MYPN: variants seen among roughly 807,000 people sequenced by gnomAD.
MYPN encodes the protein myopalladin.
MYPN carries 63 observed loss-of-function variants against 129.4 expected under a neutral mutation model. That is an observed-to-expected ratio of 0.49 (90% CI 0.40 to 0.60). MYPN has a LOEUF of 0.60. MYPN is among the 20% of genes least tolerant of loss of function. The pLI, the probability that MYPN is intolerant of heterozygous loss-of-function variation, is 0.00. For missense variants in MYPN, 1,596 were observed against 1,635.4 expected (o/e 0.98, Z 0.42); for synonymous variants, 629 against 600.9 (o/e 1.05, Z -0.68).
At chr10:68,183,302 T>C (rs1032766761) in intron 12 of MYPN, among the ~76,000 whole-genome samples, 9 of 151,648 alleles carry the variant, frequency 5.9e-5, no homozygotes, top group Non-Finnish European at 1.2e-4. Context: ...CTACAAAAAA[T>C]ACAAAAATTA....
In MYPN at chr10:68,122,266, GA is replaced by G. The variant is rs1254206163; in HGVS notation, c.829del (p.Ser277AlafsTer15). 6.2e-7 allele frequency: 1 copy of G among 1,613,874 alleles called. No individual in the cohort carries two copies. Among genetic ancestry groups the G allele is most frequent in the Non-Finnish European group, 8.5e-7 (1 of 1,179,976 alleles). On this transcript the variant is annotated frameshift_variant, in exon 2 of 20. Coordinates refer to ENST00000358913, the MANE Select transcript of MYPN (RefSeq NM_032578.4). LOFTEE classifies it high-confidence loss of function. ...CTCCCCGGTTCACTCAAAAGTTACG[GA>G]GCAGAGAAGTTCCAGAAGGAACTCG... Reference protein sequence around the residue: ...QPPRFTQKLRSREVPEGTRVQ... With the variant: ...QPPRFTQKLRXREVPEGTRVQ...
At chr10:68,136,747 G>A in intron 2 of MYPN, 1 of 1,532,906 alleles carries the variant, frequency 6.5e-7, no homozygotes, top group East Asian at 2.4e-5. Flanking sequence ...GACGAGAAAT[G>A]TTCTCTAAAT....
chr10:68,126,110 A>G (rs1219300174), intron 2 of MYPN, among the ~76,000 whole-genome samples: 1 of 152,190 alleles, frequency 6.6e-6, no homozygotes, highest in Non-Finnish European at 1.5e-5. Flanking sequence ...AAAGCTCCCG[A>G]GGCAAGTGTT....
chr10:68,126,336 T>C (rs2042325804), intron 2 of MYPN, among the ~76,000 whole-genome samples: 1 of 152,208 alleles, frequency 6.6e-6, no homozygotes, highest in African/African-American at 2.4e-5. Context: ...TAGAGTCAGA[T>C]GACTTCGAAG....
chr10:68,193,812 CACACACACACACACACACACACACACAT>C (rs2043556848), intron 13 of MYPN, among the ~76,000 whole-genome samples: 1 of 34,742 alleles, frequency 2.9e-5, no homozygotes. Context: ...CACACACACA[CACACACACACACACACACACACACACAT>C]AGATATTTAC....
chr10:68,088,784 C>T (rs947760061), intron 1 of MYPN, among the ~76,000 whole-genome samples: 2 of 152,128 alleles, frequency 1.3e-5, no homozygotes, highest in African/African-American at 2.4e-5. Flanking sequence ...ATACAATTCA[C>T]CTGCTTAAAG....
chr10:68,096,623 C>T (rs377293421), intron 1 of MYPN, among the ~76,000 whole-genome samples: 307 of 152,318 alleles, frequency 2.0e-3, no homozygotes, highest in African/African-American at 7.0e-3. Context: ...TTTAAAACAT[C>T]ACCGTTCCTT....
intron 12 of MYPN, among the ~76,000 whole-genome samples, chr10:68,181,678 A>G (rs529572585): frequency 6.6e-6 from 1 of 152,222 alleles, no homozygotes; most frequent in African/African-American, 2.4e-5. Context: ...TGGCCTACAG[A>G]TGCATGATGG....
intron 1 of MYPN, among the ~76,000 whole-genome samples, chr10:68,111,926 T>C (rs1339673834): frequency 6.6e-6 from 1 of 152,234 alleles, no homozygotes; most frequent in Admixed American, 6.5e-5. Context: ...TCAATTTAAT[T>C]AGGGAAGTTA....
chr10:68,170,941 G>A (rs1439721745), intron 10 of MYPN, among the ~76,000 whole-genome samples: 1 of 152,038 alleles, frequency 6.6e-6, no homozygotes, highest in African/African-American at 2.4e-5. Context: ...TTGAGGTCAG[G>A]AGTTCTAGAC....
At position 68,139,072 on chromosome 10, in the gene MYPN, A is replaced by T. The variant is rs555187672; in HGVS notation, c.903-3868A>T. ...TTTTCCCTAGAGAAATCCCTTTAGA[A>T]GCCCTTCTTCCTCCTGCTCCAACAT... On this transcript the variant is annotated intron_variant, in intron 2 of 19. Coordinates refer to ENST00000358913, the MANE Select transcript of MYPN (RefSeq NM_032578.4). Among the ~76,000 whole-genome samples the T allele has an allele frequency of 5.5e-4, 84 of 152,280 alleles. No homozygotes were observed. In the Middle Eastern group the frequency reaches 0.01, roughly 18 times the overall value.
At chr10:68,154,972 G>A (rs1183060595) in intron 6 of MYPN, among the ~76,000 whole-genome samples, 2 of 152,120 alleles carry the variant, frequency 1.3e-5, no homozygotes, top group Non-Finnish European at 2.9e-5. Context: ...TTGAGGCCAA[G>A]AGTTCGAGAC....
intron 10 of MYPN, among the ~76,000 whole-genome samples, chr10:68,169,141 C>G (rs542459778): frequency 7.3e-6 from 1 of 137,198 alleles, no homozygotes; most frequent in African/African-American, 2.9e-5. Flanking sequence ...TTCAGGAGAT[C>G]GAGACCATCC....
At chr10:68,144,388 T>A (rs1442047906) in intron 3 of MYPN, among the ~76,000 whole-genome samples, 1 of 152,230 alleles carries the variant, frequency 6.6e-6, no homozygotes, top group Non-Finnish European at 1.5e-5. Flanking sequence ...GGCCACGACT[T>A]ATTTATATCT....
upstream of MYPN, among the ~76,000 whole-genome samples, chr10:68,104,835 G>A (rs1190846603): frequency 6.6e-6 from 1 of 152,116 alleles, no homozygotes; most frequent in Non-Finnish European, 1.5e-5. Context: ...CCAGGCTGGA[G>A]TGTAGGGGCG....
At chr10:68,158,963 C>T (rs1339267360) in intron 7 of MYPN, among the ~76,000 whole-genome samples, 3 of 151,636 alleles carry the variant, frequency 2.0e-5, no homozygotes, top group South Asian at 2.1e-4. Flanking sequence ...TGCAGTGGCA[C>T]GATCTTGGCT....
At chr10:68,109,016 C>T (rs116376672), upstream of MYPN, among the ~76,000 whole-genome samples, 815 of 152,280 alleles carry the variant, frequency 5.4e-3, 5 homozygotes, top group African/African-American at 0.019. Flanking sequence ...CCACTGCGCC[C>T]AGCCAAGGAA....
intron 17 of MYPN, among the ~76,000 whole-genome samples, chr10:68,201,218 C>T (rs1401333687): frequency 7.2e-5 from 11 of 152,238 alleles, no homozygotes; most frequent in Non-Finnish European, 1.6e-4. Flanking sequence ...TTCCACCATT[C>T]CTGGCATTTG....
chr10:68,195,256 A>G (rs562538364), intron 14 of MYPN, among the ~76,000 whole-genome samples, 194 bp from the exon 15 acceptor site: 2 of 152,236 alleles, frequency 1.3e-5, no homozygotes, highest in South Asian at 4.1e-4. Flanking sequence ...TCGTTACCAT[A>G]CTCTTAAAAA....
Sources: gnomAD v4.1 joint callset for allele counts (sites outside exome capture counted in the v4.1 genomes callset) on GRCh38, gnomAD v4.1.1 for gene constraint, MANE v1.5 for transcripts, NCBI Gene and HGNC (gene_info 2026-07-23, HGNC 2026-07-21) for gene names.